The following GMDS variants were observed in gnomAD, a reference collection of about 807,000 sequenced individuals.
GMDS encodes the protein GDP-mannose 4,6-dehydratase, also known as GDP-mannose 4,6 dehydratase.
In GMDS, 20 loss-of-function variants were observed where a neutral mutation model predicts 49.9. That is an observed-to-expected ratio of 0.40 (90% CI 0.28 to 0.58). GMDS has a LOEUF of 0.58. Ranked by LOEUF, GMDS falls within the 20% of genes least tolerant of loss-of-function variation. The pLI is 0.42. For synonymous variants in GMDS, 177 were observed against 178.6 expected (o/e 0.99, Z 0.07); for missense variants, 362 against 481.4 (o/e 0.75, Z 2.32).
rs564097693 is a variant in GMDS at position 1,750,101 on chromosome 6, G to GA, written c.772-7516dup. 3.8e-4 allele frequency among the ~76,000 whole-genome samples: 58 copies of GA among 152,268 alleles called. 1 individual carries two copies. The highest frequency in any genetic ancestry group is 6.8e-3 in the Middle Eastern group (2 of 294). On this transcript the variant is annotated intron_variant, in intron 7 of 10. Coordinates refer to ENST00000380815, the MANE Select transcript of GMDS (RefSeq NM_001500.4). ...CTGCCTTGGCCTCCCAAAGGGCTGGGACTAAAGGACTGAGCCACCAGCCTC... is the reference window on the plus strand; with the variant it reads ...CTGCCTTGGCCTCCCAAAGGGCTGGGAACTAAAGGACTGAGCCACCAGCCTC...
chr6:1,915,603 C>T (rs1053691444), intron 7 of GMDS, among the ~76,000 whole-genome samples: 2 of 152,188 alleles, frequency 1.3e-5, no homozygotes, highest in Non-Finnish European at 2.9e-5. Flanking sequence ...GTATCTGTAT[C>T]TCAGAAAGGC....
chr6:2,229,059 C>T (rs190622385), intron 1 of GMDS, among the ~76,000 whole-genome samples: 52 of 152,152 alleles, frequency 3.4e-4, no homozygotes, highest in Admixed American at 2.7e-3. Context: ...GGGGGTCTCC[C>T]GTGGCTCCAC....
At chr6:1,954,920 C>T (rs1364978985) in intron 6 of GMDS, among the ~76,000 whole-genome samples, 2 of 152,074 alleles carry the variant, frequency 1.3e-5, no homozygotes, top group African/African-American at 2.4e-5. Flanking sequence ...GGATTAAATT[C>T]ACTGTCTTTT....
At chr6:1,897,254 C>T (rs1760247644) in intron 7 of GMDS, among the ~76,000 whole-genome samples, 1 of 152,186 alleles carries the variant, frequency 6.6e-6, no homozygotes, top group African/African-American at 2.4e-5. Context: ...CTCCTGGGGT[C>T]TCTTCCTCTT....
chr6:1,957,972 C>T (rs908047084), intron 6 of GMDS, among the ~76,000 whole-genome samples: 3 of 151,706 alleles, frequency 2.0e-5, no homozygotes, highest in Non-Finnish European at 4.4e-5. Context: ...CTGGCTGATT[C>T]GTTTTTTATT....
At chr6:2,051,282 G>A (rs1770381544) in intron 4 of GMDS, among the ~76,000 whole-genome samples, 1 of 152,184 alleles carries the variant, frequency 6.6e-6, no homozygotes, top group South Asian at 2.1e-4. Context: ...CCATAAGACA[G>A]TAAGTTTTTG....
At chr6:2,201,186 G>A (rs1779513498) in intron 1 of GMDS, among the ~76,000 whole-genome samples, 2 of 136,022 alleles carry the variant, frequency 1.5e-5, no homozygotes, top group African/African-American at 2.8e-5. Context: ...TAGCAGAGAG[G>A]TGAGGGATGA....
At chr6:2,039,516 T>C (rs1037059994) in intron 4 of GMDS, among the ~76,000 whole-genome samples, 3 of 152,198 alleles carry the variant, frequency 2.0e-5, no homozygotes, top group Admixed American at 1.3e-4. Flanking sequence ...AAACACACTA[T>C]ACAGTTAAAC....
chr6:1,947,394 G>A (rs1763121628), intron 6 of GMDS, among the ~76,000 whole-genome samples: 1 of 152,126 alleles, frequency 6.6e-6, no homozygotes. Context: ...GAGGCACTGG[G>A]GCCAGGGTTG....
chr6:1,983,072 C>A (rs1765313300), intron 4 of GMDS, among the ~76,000 whole-genome samples: 1 of 152,106 alleles, frequency 6.6e-6, no homozygotes, highest in South Asian at 2.1e-4. Context: ...AAAAATGAGA[C>A]CGCACACCCA....
At chr6:1,958,590 A>G (rs1215618621) in intron 6 of GMDS, among the ~76,000 whole-genome samples, 8 of 152,214 alleles carry the variant, frequency 5.3e-5, no homozygotes, top group Admixed American at 4.6e-4. Context: ...ACAGCCCATC[A>G]TGGGAATTTT....
chr6:1,831,955 A>C (rs1388513714), intron 7 of GMDS, among the ~76,000 whole-genome samples: 1 of 152,136 alleles, frequency 6.6e-6, no homozygotes. Context: ...GTTTGTTTTT[A>C]GAACAAAAAA....
At chr6:2,138,713 G>A (rs1329389709) in intron 1 of GMDS, among the ~76,000 whole-genome samples, 3 of 152,138 alleles carry the variant, frequency 2.0e-5, no homozygotes, top group Non-Finnish European at 1.5e-5. Context: ...TTACAGTAAT[G>A]CAAAACGGAC....
At chr6:1,927,755 A>G (rs762809706) in intron 7 of GMDS, among the ~76,000 whole-genome samples, 2 of 152,152 alleles carry the variant, frequency 1.3e-5, no homozygotes, top group Non-Finnish European at 2.9e-5. Context: ...TTGACACAAG[A>G]CTTCCTCCTT....
intron 4 of GMDS, among the ~76,000 whole-genome samples, chr6:2,017,315 T>A (rs116565646): frequency 0.015 from 2,308 of 150,972 alleles, 53 homozygotes; most frequent in African/African-American, 0.052. Context: ...TTTTATTTTT[T>A]TTTTTCCCCC....
chr6:1,850,857 G>A (rs1051164853), intron 7 of GMDS, among the ~76,000 whole-genome samples: 6 of 152,054 alleles, frequency 3.9e-5, no homozygotes, highest in Non-Finnish European at 8.8e-5. Flanking sequence ...AAACCTGTTC[G>A]CAGGGCAGCT....
chr6:2,187,995 G>T (rs995270804), intron 1 of GMDS, among the ~76,000 whole-genome samples: 13 of 152,218 alleles, frequency 8.5e-5, no homozygotes, highest in Non-Finnish European at 1.9e-4. Context: ...TCCTTGCAGA[G>T]CATTCAGCTT....
At chr6:1,742,710 T>G (rs1767321855) in intron 7 of GMDS, 124 bp from the exon 8 acceptor site, 1 of 616,928 alleles carries the variant, frequency 1.6e-6, no homozygotes, top group Admixed American at 2.6e-5. Flanking sequence ...TCATAGCATA[T>G]TCTAAGCACA....
intron 9 of GMDS, among the ~76,000 whole-genome samples, chr6:1,651,375 G>C (rs753995344): frequency 1.3e-5 from 2 of 152,216 alleles, no homozygotes; most frequent in Non-Finnish European, 2.9e-5. Flanking sequence ...ACACTGTCCT[G>C]GGACTGGCAT....
Sources: allele counts gnomAD v4.1 joint callset (sites outside exome capture counted in the v4.1 genomes callset), GRCh38; gene constraint gnomAD v4.1.1; transcripts MANE v1.5; gene names NCBI Gene and HGNC (gene_info 2026-07-23, HGNC 2026-07-21).